EPC2: variants seen among roughly 807,000 people sequenced by gnomAD.
EPC2 encodes the protein enhancer of polycomb homolog 2.
A neutral mutation model predicts 92.1 loss-of-function variants in EPC2; 14 were observed. The observed-to-expected ratio is 0.15, with a 90% CI of 0.10 to 0.24. EPC2 has a LOEUF of 0.24. Ranked by LOEUF, EPC2 falls within the 10% of genes least tolerant of loss-of-function variation. The pLI is 1.00. For missense variants in EPC2, 755 were observed against 971.5 expected (o/e 0.78, Z 2.96); for synonymous variants, 340 against 334.7 (o/e 1.02, Z -0.17).
At chr2:148,666,303 G>A (rs962765559) in intron 1 of EPC2, among the ~76,000 whole-genome samples, 1 of 152,008 alleles carries the variant, frequency 6.6e-6, no homozygotes, top group Non-Finnish European at 1.5e-5. Context: ...ACCATGCCTG[G>A]CTAATTTTTT....
chr2:148,780,421 T>C (rs1683724574), intron 10 of EPC2, among the ~76,000 whole-genome samples: 2 of 152,170 alleles, frequency 1.3e-5, no homozygotes, highest in African/African-American at 4.8e-5. Context: ...AAAATTTTTT[T>C]GATTATTCAT....
intron 3 of EPC2, among the ~76,000 whole-genome samples, chr2:148,750,545 A>T (rs1214220775): frequency 6.6e-6 from 1 of 152,118 alleles, no homozygotes; most frequent in Non-Finnish European, 1.5e-5. Flanking sequence ...ATTTATGCAG[A>T]ATACTCAAAA....
chr2:148,653,146 A>G (rs572267730), intron 1 of EPC2, among the ~76,000 whole-genome samples: 1 of 152,348 alleles, frequency 6.6e-6, no homozygotes, highest in Non-Finnish European at 1.5e-5. Context: ...GACAGGCAGG[A>G]TAGCAATCCA....
At chr2:148,654,022 A>G (rs988978235) in intron 1 of EPC2, among the ~76,000 whole-genome samples, 3 of 146,916 alleles carry the variant, frequency 2.0e-5, no homozygotes, top group Non-Finnish European at 4.4e-5. Flanking sequence ...ATCTTGGCTC[A>G]CTGCAACCTC....
chr2:148,725,609 G>T (rs1682478914), intron 2 of EPC2, among the ~76,000 whole-genome samples: 1 of 151,998 alleles, frequency 6.6e-6, no homozygotes, highest in Non-Finnish European at 1.5e-5. Context: ...AATGTCCTTT[G>T]CAGTGCAGAA....
intron 2 of EPC2, among the ~76,000 whole-genome samples, chr2:148,734,709 A>C (rs1024990753): frequency 1.3e-5 from 2 of 152,068 alleles, no homozygotes; most frequent in African/African-American, 2.4e-5. Flanking sequence ...TTTTATAGCA[A>C]CTAATCTGTT....
intron 2 of EPC2, among the ~76,000 whole-genome samples, chr2:148,718,225 C>A (rs1430398919): frequency 6.6e-6 from 1 of 152,108 alleles, no homozygotes; most frequent in Non-Finnish European, 1.5e-5. Flanking sequence ...TTAATTGGGG[C>A]AGTTAGCCCA....
intron 2 of EPC2, among the ~76,000 whole-genome samples, chr2:148,712,152 C>G (rs1182197887): frequency 6.6e-6 from 1 of 152,016 alleles, no homozygotes; most frequent in African/African-American, 2.4e-5. Flanking sequence ...CTGGTTTTAT[C>G]TTCTACACTT....
chr2:148,774,623 T>TA (rs527305174), intron 10 of EPC2, among the ~76,000 whole-genome samples: 16,960 of 141,148 alleles, frequency 0.12, 1,666 homozygotes, highest in East Asian at 0.38. Context: ...AAAAATATAT[T>TA]TTATATATAT....
intron 1 of EPC2, among the ~76,000 whole-genome samples, chr2:148,683,878 G>A (rs1275797791): frequency 6.6e-6 from 1 of 152,160 alleles, no homozygotes; most frequent in Non-Finnish European, 1.5e-5. Context: ...CCTTTGGGTA[G>A]TTACCCGGTA....
chr2:148,705,812 A>G (rs887582944), intron 2 of EPC2, among the ~76,000 whole-genome samples: 1 of 152,068 alleles, frequency 6.6e-6, no homozygotes, highest in African/African-American at 2.4e-5. Flanking sequence ...AACATCAACC[A>G]AAAGGACATC....
Position 148,754,201 on chromosome 2 carries a change from A to G in EPC2, c.666+68A>G, listed in dbSNP as rs59626804. On this transcript the variant is annotated intron_variant, in intron 4 of 13. Coordinates refer to ENST00000258484, the MANE Select transcript of EPC2 (RefSeq NM_015630.4). ...TTCAAGATCAATCTTTTTTTTTCTA[A>G]TAACTTGAATAATTTTAACATAATG... 2,430 of 1,198,936 alleles carry G rather than the reference A, an allele frequency of 2.0e-3. 40 individuals are homozygous for G. In the African/African-American group the frequency reaches 0.034, roughly 17 times the overall value. 74.3% of individuals were successfully genotyped at this position (1,198,936 alleles called of 1,614,324 possible). A position where few individuals can be genotyped will look rare whatever the true frequency, so the allele number is the denominator to read the frequency against.
intron 7 of EPC2, 88 bp downstream of exon 7, chr2:148,765,234 A>G: frequency 1.0e-5 from 10 of 984,644 alleles, no homozygotes; most frequent in Non-Finnish European, 1.4e-5. Flanking sequence ...TAGAGTTTTT[A>G]TTCTTGCTTT....
chr2:148,704,746 GAAC>G (rs1574593298), intron 2 of EPC2, among the ~76,000 whole-genome samples: 1 of 152,058 alleles, frequency 6.6e-6, no homozygotes, highest in Non-Finnish European at 1.5e-5. Flanking sequence ...TCAGGAACTG[GAAC>G]AACAACAGGG....
intron 1 of EPC2, among the ~76,000 whole-genome samples, chr2:148,648,345 T>C (rs939106795): frequency 1.3e-5 from 2 of 152,240 alleles, no homozygotes; most frequent in Non-Finnish European, 2.9e-5. Flanking sequence ...AACAGAATTA[T>C]GTATTTATAA....
intron 10 of EPC2, among the ~76,000 whole-genome samples, chr2:148,777,149 T>A (rs935315560): frequency 2.0e-5 from 3 of 151,668 alleles, no homozygotes; most frequent in African/African-American, 7.3e-5. Flanking sequence ...CGTGAGCCAC[T>A]GCACCCAGCC....
chr2:148,650,550 T>C (rs1443493222), intron 1 of EPC2, among the ~76,000 whole-genome samples: 1 of 152,150 alleles, frequency 6.6e-6, no homozygotes, highest in Non-Finnish European at 1.5e-5. Context: ...ACATGAATCA[T>C]GTGATTCACC....
In EPC2 at chr2:148,645,286, A is replaced by G. The variant is rs1024120663; in HGVS notation, c.153+116A>G. Reference sequence around the variant, plus strand: ...CGCTGGAGGGCGCCGCTGCCGCTCTAACGCACGGGACTCTACGCCGGCGGA... The same window carrying G: ...CGCTGGAGGGCGCCGCTGCCGCTCTGACGCACGGGACTCTACGCCGGCGGA... On this transcript the variant is annotated intron_variant, in intron 1 of 13. Transcript: ENST00000258484. 11 of 924,024 alleles carry G rather than the reference A, an allele frequency of 1.2e-5. No homozygotes were observed. In the East Asian group the frequency reaches 1.7e-4, roughly 14 times the overall value. 57.2% of individuals were successfully genotyped at this position (924,024 alleles called of 1,614,324 possible).
At chr2:148,727,425 TACTA>T (rs1682521389) in intron 2 of EPC2, among the ~76,000 whole-genome samples, 1 of 152,216 alleles carries the variant, frequency 6.6e-6, no homozygotes, top group South Asian at 2.1e-4. Flanking sequence ...TTCACTTCCT[TACTA>T]ACATTAGAAC....
Sources: allele counts gnomAD v4.1 joint callset (sites outside exome capture counted in the v4.1 genomes callset), GRCh38; gene constraint gnomAD v4.1.1; transcripts MANE v1.5; gene names NCBI Gene and HGNC (gene_info 2026-07-23, HGNC 2026-07-21).